MCM5: variants seen among roughly 807,000 people sequenced by gnomAD.
The protein encoded by MCM5 is minichromosome maintenance complex component 5, also known as DNA replication licensing factor MCM5.
MCM5 carries 46 observed loss-of-function variants against 79.9 expected under a neutral mutation model. The ratio of observed to expected loss-of-function variants is 0.58; its 90% CI spans 0.45 to 0.74. The LOEUF (loss-of-function observed/expected upper bound fraction) is 0.74. MCM5 is among the 30% of genes least tolerant of loss of function. MCM5 has a pLI of 0.00. For missense variants in MCM5, 883 were observed against 1,017.0 expected (o/e 0.87, Z 1.79); for synonymous variants, 404 against 390.5 (o/e 1.03, Z -0.41).
At chr22:35,440,001 A>T in the MCM5 span, among the ~76,000 whole-genome samples, 1 of 152,230 alleles carries the variant, frequency 6.6e-6, no homozygotes, top group South Asian at 2.1e-4. Context: ...AGAAATAAAA[A>T]AAATCATCTA....
At chr22:35,439,682 A>G in the MCM5 span, among the ~76,000 whole-genome samples, 1 of 152,220 alleles carries the variant, frequency 6.6e-6, no homozygotes, top group African/African-American at 2.4e-5. Context: ...CTTTTAGGGA[A>G]GAACACTAAA....
chr22:35,416,634 T>C lies in MCM5; in HGVS notation c.1414-4T>C, dbSNP rs1381756504. The C allele has an allele frequency of 3.1e-6, 5 of 1,611,744 alleles. No homozygotes were observed. The highest frequency in any genetic ancestry group is 4.5e-5 in the East Asian group (2 of 44,718). ...CCCCCTTTTCGTCGTCTGTCGCCTGTTAGGCTGGGATCACCACCACCCTGA... is the reference window on the plus strand; with the variant it reads ...CCCCCTTTTCGTCGTCTGTCGCCTGCTAGGCTGGGATCACCACCACCCTGA... On this transcript the variant is annotated splice_region_variant and splice_polypyrimidine_tract_variant and intron_variant, in intron 11 of 16. Transcript: ENST00000216122.
intron 4 of MCM5, among the ~76,000 whole-genome samples, chr22:35,404,152 G>T (rs567815352): frequency 1.8e-4 from 27 of 148,292 alleles, no homozygotes; most frequent in African/African-American, 6.0e-4. Context: ...ACTTTATCCC[G>T]AAAAAAAAAA....
chr22:35,452,692 G>A, the MCM5 span, among the ~76,000 whole-genome samples: 1 of 152,210 alleles, frequency 6.6e-6, no homozygotes, highest in Non-Finnish European at 1.5e-5. Context: ...GGTTAGCCCT[G>A]TGTGTGAGTT....
chr22:35,423,173 T>C (rs199726504), intron 15 of MCM5, 41 bp from the exon 16 acceptor site: 62 of 1,519,732 alleles, frequency 4.1e-5, no homozygotes, highest in Non-Finnish European at 8.9e-7. Context: ...GAACTCCCAT[T>C]GTCCCAGCTC....
intron 4 of MCM5, 118 bp from the exon 5 acceptor site, chr22:35,406,435 C>T (rs909239803): frequency 1.3e-5 from 11 of 869,032 alleles, no homozygotes; most frequent in Middle Eastern, 2.3e-4. Flanking sequence ...AGAGCTGTGG[C>T]CCTCCCTGCA....
the MCM5 span, among the ~76,000 whole-genome samples, chr22:35,442,886 T>G: frequency 6.6e-6 from 1 of 152,222 alleles, no homozygotes; most frequent in Non-Finnish European, 1.5e-5. Context: ...CCCATTGGGT[T>G]TGCCATGGAA....
chr22:35,403,569 A>T, intron 4 of MCM5, 27 bp downstream of exon 4: 1 of 1,609,458 alleles, frequency 6.2e-7, no homozygotes, highest in South Asian at 1.1e-5. Context: ...TGGCTGCTGC[A>T]TGGTGCAGAG....
At chr22:35,427,065 A>G (rs1932783348), downstream of MCM5, among the ~76,000 whole-genome samples, 1 of 152,224 alleles carries the variant, frequency 6.6e-6, no homozygotes, top group African/African-American at 2.4e-5. Context: ...ATTTGCACCC[A>G]TTGTGGGCCA....
At chr22:35,449,457 C>T in the MCM5 span, among the ~76,000 whole-genome samples, 1 of 152,108 alleles carries the variant, frequency 6.6e-6, no homozygotes, top group Non-Finnish European at 1.5e-5. Flanking sequence ...CAGCCATGGC[C>T]TCTTTTTCCC....
rs954595660 is a variant in MCM5 at position 35,416,578 on chromosome 22, T to G, written c.1414-60T>G. ...GTGTGTGTGTGTGTGTGTGTAAACG[T>G]GTATATAAGAAGGCATCTTTGCCAT... is the stretch of plus-strand genomic sequence containing the variant. On this transcript the variant is annotated intron_variant, in intron 11 of 16. Transcript: ENST00000216122. 3 of 1,170,052 alleles carry G rather than the reference T, an allele frequency of 2.6e-6. No homozygotes were observed. The African/African-American group carries it at 4.5e-5, about 18-fold the overall frequency. 72.5% of individuals were successfully genotyped at this position (1,170,052 alleles called of 1,614,324 possible).
In MCM5 at chr22:35,421,379, G is replaced by A. The variant is rs769483646; in HGVS notation, c.1894G>A (p.Ala632Thr). The change falls in exon 15 of 17, where the codon GCC becomes ACC. Residue 632 changes from alanine to threonine, a missense_variant. By Grantham distance (58) the Ala-to-Thr change is moderately conservative. Around this residue, in one of 3 missense-constraint regions of MCM5, gnomAD observed 426 missense variants for 482.3 expected, o/e 0.88. Coordinates refer to ENST00000216122, the MANE Select transcript of MCM5 (RefSeq NM_006739.4). The stretch of plus-strand genomic sequence containing the variant: ...CAGCAAGATGAAGCTGCAGCCCTTC[G>A]CCACAGAGGCAGATGTGGAGGAGGC... The part of the protein sequence containing the change: ...ALSKMKLQPF[A>T]TEADVEEALR... 9.9e-6 allele frequency: 16 copies of A among 1,613,914 alleles called. No individual in the cohort carries two copies. The highest frequency in any genetic ancestry group is 1.7e-5 in the Admixed American group (1 of 60,000).
intron 8 of MCM5, 73 bp downstream of exon 8, chr22:35,412,754 A>G (rs1932424499): frequency 5.6e-6 from 7 of 1,254,402 alleles, no homozygotes; most frequent in African/African-American, 3.1e-5. Context: ...ATTACTGGAT[A>G]ATCAGGACTG....
chr22:35,406,302 C>CA (rs1555903426), intron 4 of MCM5, among the ~76,000 whole-genome samples: 3 of 142,878 alleles, frequency 2.1e-5, no homozygotes, highest in African/African-American at 7.9e-5. Context: ...TGCCACCTCC[C>CA]CCCCCAATTG....
chr22:35,416,295 C>G (rs1401679098), intron 10 of MCM5, 44 bp from the exon 11 acceptor site: 2 of 1,578,794 alleles, frequency 1.3e-6, no homozygotes, highest in African/African-American at 1.3e-5. Flanking sequence ...TCCCTGCTCC[C>G]TCACTTCAGT....
At chr22:35,418,447 G>A (rs1278186692) in intron 13 of MCM5, among the ~76,000 whole-genome samples, 2 of 152,088 alleles carry the variant, frequency 1.3e-5, no homozygotes, top group African/African-American at 4.8e-5. Flanking sequence ...ATCACTTGAG[G>A]TCAGGAGTGC....
At position 35,408,997 on chromosome 22, in the gene MCM5, CTG is replaced by C. The variant is rs60662012; in HGVS notation, c.752+436_752+437del. On this transcript the variant is annotated intron_variant, in intron 6 of 16. Transcript: ENST00000216122. Reference sequence around the variant, plus strand: ...TTTTTTTTTGAGACGGAGTCTGGCTCTGTAGCCCAGGCTGGAGTGCAGTGGCG... The same window carrying C: ...TTTTTTTTTGAGACGGAGTCTGGCTCTAGCCCAGGCTGGAGTGCAGTGGCG... 2.6e-3 allele frequency among the ~76,000 whole-genome samples: 399 copies of C among 150,748 alleles called. 3 individuals are homozygous for C. Among genetic ancestry groups the C allele is most frequent in the African/African-American group, 9.4e-3 (382 of 40,852 alleles).
intron 14 of MCM5, among the ~76,000 whole-genome samples, 176 bp from the exon 15 acceptor site, chr22:35,421,142 A>G (rs1038496916): frequency 6.6e-6 from 1 of 151,836 alleles, no homozygotes; most frequent in Non-Finnish European, 1.5e-5. Flanking sequence ...AAAAAAAAAA[A>G]AAAAAAAAAT....
chr22:35,431,099 C>T, the MCM5 span, among the ~76,000 whole-genome samples: 1 of 152,206 alleles, frequency 6.6e-6, no homozygotes, highest in Non-Finnish European at 1.5e-5. Context: ...GGCCTCCTAC[C>T]CTGGGAATCT....
Sources: gnomAD v4.1 joint callset for allele counts (sites outside exome capture counted in the v4.1 genomes callset) on GRCh38, gnomAD v4.1.1 for gene constraint, gnomAD v4.1.1 regional missense constraint, MANE v1.5 for transcripts, NCBI Gene and HGNC (gene_info 2026-07-23, HGNC 2026-07-21) for gene names.